Variants in IQCH observed in about 807,000 individuals in gnomAD.
The protein encoded by IQCH is IQ motif containing H, also known as IQ domain-containing protein H.
A neutral mutation model predicts 117.0 loss-of-function variants in IQCH; 98 were observed. That is an observed-to-expected ratio of 0.84 (90% CI 0.71 to 0.99). The LOEUF (loss-of-function observed/expected upper bound fraction) is 0.99. Among genes scored for constraint, IQCH ranks in the 50% least tolerant of loss-of-function variants. The pLI, the probability that IQCH is intolerant of heterozygous loss-of-function variation, is 0.00. For missense variants in IQCH, 1,102 were observed against 1,243.8 expected (o/e 0.89, Z 1.72); for synonymous variants, 412 against 448.2 (o/e 0.92, Z 1.02).
rs1971029835 is a variant in IQCH at position 67,384,096 on chromosome 15, C to G, written c.1373-840C>G. Among the ~76,000 whole-genome samples the G allele has an allele frequency of 6.6e-6, 1 of 152,076 alleles. No homozygotes were observed. Among genetic ancestry groups the G allele is most frequent in the African/African-American group, 2.4e-5 (1 of 41,416 alleles). On this transcript the variant is annotated intron_variant, in intron 10 of 20. Coordinates refer to ENST00000335894, the MANE Select transcript of IQCH (RefSeq NM_001031715.3). This position sits in a 1 kb window ranked among gnomAD's most constrained non-coding sequence, Gnocchi z 4.3. ...TAACCACAAGGAGGCATTGAAGCAT[C>G]TCTTCAAAATGTGAAAAGCAATTTT...
chr15:67,385,975 T>C lies in IQCH; in HGVS notation c.1456+956T>C, dbSNP rs1971095962. On this transcript the variant is annotated intron_variant, in intron 11 of 20. Coordinates refer to ENST00000335894, the MANE Select transcript of IQCH (RefSeq NM_001031715.3). This position sits in a 1 kb window ranked among gnomAD's most constrained non-coding sequence, Gnocchi z 4.6. ...CATCATTATTATTTTATAAATGCTA[T>C]TTGGTATCAAAAAATACATCAGTAC... Among the ~76,000 whole-genome samples, 1 of 152,176 alleles carries C rather than the reference T, an allele frequency of 6.6e-6. No individual in the cohort carries two copies. The highest frequency in any genetic ancestry group is 6.6e-5 in the Admixed American group (1 of 15,260).
In IQCH at chr15:67,364,532, A is replaced by T. The variant is rs1970263750; in HGVS notation, c.753+4647A>T. Among the ~76,000 whole-genome samples, 1 of 152,148 alleles carries T rather than the reference A, an allele frequency of 6.6e-6. No homozygotes were observed. The highest frequency in any genetic ancestry group is 2.4e-5 in the African/African-American group (1 of 41,432). ...TAACTGAACATTTTTATTACATGTG[A>T]TTAATAATTTTGCTTATATACAACA... On this transcript the variant is annotated intron_variant, in intron 8 of 20. Transcript: ENST00000335894. This position sits in a 1 kb window ranked among gnomAD's most constrained non-coding sequence, Gnocchi z 4.1.
chr15:67,268,155 A>G (rs181770886), intron 3 of IQCH, among the ~76,000 whole-genome samples: 15 of 152,290 alleles, frequency 9.8e-5, no homozygotes, highest in South Asian at 4.1e-4. Context: ...AATTGTCACA[A>G]AAGATAATTT....
chr15:67,434,944 T>A lies in IQCH; in HGVS notation c.2505+13367T>A, dbSNP rs191823383. On this transcript the variant is annotated intron_variant, in intron 16 of 20. Transcript: ENST00000335894. ...GCGCGTCACCACGCCTGTATTTTTG[T>A]ATTTTTTTTTAATTTTTTTGTATTT... Among the ~76,000 whole-genome samples the A allele has an allele frequency of 4.0e-3, 611 of 151,334 alleles. 3 individuals are homozygous for A. Among genetic ancestry groups the A allele is most frequent in the Non-Finnish European group, 7.0e-3 (472 of 67,882 alleles).
At chr15:67,498,279 C>A (rs1032562949) in intron 20 of IQCH, among the ~76,000 whole-genome samples, 5 of 152,000 alleles carry the variant, frequency 3.3e-5, no homozygotes, top group African/African-American at 1.2e-4. Flanking sequence ...ATGGCACATG[C>A]AAATATTAAG....
In IQCH at chr15:67,342,890, G is replaced by C. The variant is rs1969233023; in HGVS notation, c.509-1173G>C. Among the ~76,000 whole-genome samples, 1 of 152,020 alleles carries C rather than the reference G, an allele frequency of 6.6e-6. No individual in the cohort carries two copies. The highest frequency in any genetic ancestry group is 2.4e-5 in the African/African-American group (1 of 41,378). On this transcript the variant is annotated intron_variant, in intron 5 of 20. Coordinates refer to ENST00000335894, the MANE Select transcript of IQCH (RefSeq NM_001031715.3). The surrounding 1 kb of genome is among the most constrained non-coding windows in gnomAD (Gnocchi z 4.7). ...AGCCTTCAATAATGCAGATTCCCAG[G>C]CCCTGTCCTCAGAAGTTTGGACAGG...
rs1041230071 is a variant in IQCH, at chr15:67,395,391, G to A, written c.1733G>A (p.Gly578Glu). 3.1e-6 allele frequency: 5 copies of A among 1,613,960 alleles called. No homozygotes were observed. Among genetic ancestry groups the A allele is most frequent in the Non-Finnish European group, 4.2e-6 (5 of 1,179,956 alleles). The change falls in exon 13 of 21, where the codon GGG becomes GAG. Residue 578 changes from glycine to glutamate, a missense_variant. Around this residue, in one of 2 missense-constraint regions of IQCH, gnomAD observed 650 missense variants for 794.3 expected, o/e 0.82. Coordinates refer to ENST00000335894, the MANE Select transcript of IQCH (RefSeq NM_001031715.3). The surrounding 1 kb of genome is among the most constrained non-coding windows in gnomAD (Gnocchi z 4.0). ...IRGTEAYIVS[G>E]LLHRDDLAVA... is the part of the protein sequence containing the mutation. ...GGAACAGAGGCCTACATCGTCAGCG[G>A]GCTCCTCCACAGAGATGATTTAGCT...
At chr15:67,277,966 TGTG>T (rs2140470154) in intron 3 of IQCH, among the ~76,000 whole-genome samples, 1 of 152,262 alleles carries the variant, frequency 6.6e-6, no homozygotes, top group African/African-American at 2.4e-5. Context: ...GCTCTGTAAA[TGTG>T]GTGGTAAAGT....
Position 67,271,729 on chromosome 15 carries a change from T to C in IQCH, c.270-7666T>C, listed in dbSNP as rs112399396. 4.5e-3 allele frequency among the ~76,000 whole-genome samples: 693 copies of C among 152,326 alleles called. 7 individuals are homozygous for C. Among genetic ancestry groups the C allele is most frequent in the African/African-American group, 0.016 (672 of 41,578 alleles). ...TGGGATATAGTTGTTCATAATAGTCTGTGATAATTCTTTGTATTTCTGTGG... is the reference window on the plus strand; with the variant it reads ...TGGGATATAGTTGTTCATAATAGTCCGTGATAATTCTTTGTATTTCTGTGG... On this transcript the variant is annotated intron_variant, in intron 3 of 20. Transcript: ENST00000335894.
intron 16 of IQCH, among the ~76,000 whole-genome samples, chr15:67,449,902 G>T (rs1208260237): frequency 2.0e-5 from 3 of 152,054 alleles, no homozygotes; most frequent in Non-Finnish European, 4.4e-5. Context: ...TTATTTCATT[G>T]AACAGTGGTT....
rs1481192260 is a variant in IQCH at position 67,369,265 on chromosome 15, G to C, written c.754-2846G>C. 1.3e-5 allele frequency among the ~76,000 whole-genome samples: 2 copies of C among 152,180 alleles called. No individual in the cohort carries two copies. ...TTTCCCAGCTAATTAGTTAGAGCAA[G>C]ATGCTAATAATTAGGCCACAGGTTT... On this transcript the variant is annotated intron_variant, in intron 8 of 20. Coordinates refer to ENST00000335894, the MANE Select transcript of IQCH (RefSeq NM_001031715.3). This position sits in a 1 kb window ranked among gnomAD's most constrained non-coding sequence, Gnocchi z 5.2.
rs748402809 is a variant in IQCH, at chr15:67,388,880, G to C, written c.1506G>C (p.Glu502Asp). The C allele has an allele frequency of 2.5e-6, 4 of 1,613,762 alleles. No homozygotes were observed. Among genetic ancestry groups the C allele is most frequent in the Non-Finnish European group, 3.4e-6 (4 of 1,179,854 alleles). ...TCTGCTCCCATCATATGAATGACGAGTTAGTGCTGTATTACAAAAAAATCC... is the reference window on the plus strand; with the variant it reads ...TCTGCTCCCATCATATGAATGACGACTTAGTGCTGTATTACAAAAAAATCC... ...IYICSHHMND[E>D]LVLYYKKILS... Residue 502 changes from glutamate (E) to aspartate (D), a missense_variant, in exon 12 of 21, where the codon GAG becomes GAC. Transcript: ENST00000335894. This position sits in a 1 kb window ranked among gnomAD's most constrained non-coding sequence, Gnocchi z 5.5.
Position 67,416,174 on chromosome 15 carries a change from G to A in IQCH, c.2098-757G>A, listed in dbSNP as rs2081571158. 6.6e-6 allele frequency among the ~76,000 whole-genome samples: 1 copy of A among 152,180 alleles called. No homozygotes were observed. Among genetic ancestry groups the A allele is most frequent in the South Asian group, 2.1e-4 (1 of 4,832 alleles). Reference sequence around the variant, plus strand: ...AAGGCGGGTGGATCACCTGAGGTCAGGAGTTCGAGATCAGTATGACCAACA... The same window carrying A: ...AAGGCGGGTGGATCACCTGAGGTCAAGAGTTCGAGATCAGTATGACCAACA... On this transcript the variant is annotated intron_variant, in intron 14 of 20. Coordinates refer to ENST00000335894, the MANE Select transcript of IQCH (RefSeq NM_001031715.3). This position sits in a 1 kb window ranked among gnomAD's most constrained non-coding sequence, Gnocchi z 5.1.
rs760414813 is a variant in IQCH at position 67,372,134 on chromosome 15, G to A, written c.777G>A (p.Leu259=). The change falls in exon 9 of 21, where the codon TTG becomes TTA. Residue 259 remains leucine (L), a synonymous_variant. Transcript: ENST00000335894. ...AGGCCATGAAAGTCAAAACACCTTT[G>A]AGAGCCCTGAAATCACTGTGGGATT... is the stretch of plus-strand genomic sequence containing the variant. The part of the protein sequence containing the change: ...DRKAMKVKTP[L]RALKSLWDYD... 7 of 1,608,608 alleles carry A rather than the reference G, an allele frequency of 4.4e-6. No individual in the cohort carries two copies. Among genetic ancestry groups the A allele is most frequent in the Non-Finnish European group, 5.9e-6 (7 of 1,177,992 alleles).
Position 67,384,929 on chromosome 15 carries a change from C to G in IQCH, c.1373-7C>G, listed in dbSNP as rs1209280461. The G allele has an allele frequency of 3.1e-6, 5 of 1,596,474 alleles. No individual in the cohort carries two copies. The highest frequency in any genetic ancestry group is 4.3e-6 in the Non-Finnish European group (5 of 1,164,508). ...TTCTGTGTTTTGACACCTTGTTTGC[C>G]TTTTAGGGTATTCCCAGCCTGTGAG... On this transcript the variant is annotated splice_region_variant and splice_polypyrimidine_tract_variant and intron_variant, in intron 10 of 20. Coordinates refer to ENST00000335894, the MANE Select transcript of IQCH (RefSeq NM_001031715.3). The surrounding 1 kb of genome is among the most constrained non-coding windows in gnomAD (Gnocchi z 4.3).
At chr15:67,331,534 G>A (rs1241492506) in intron 4 of IQCH, among the ~76,000 whole-genome samples, 2 of 152,146 alleles carry the variant, frequency 1.3e-5, no homozygotes, top group Non-Finnish European at 2.9e-5. Context: ...TACAGTAAAT[G>A]CAGAAGAAAA....
chr15:67,394,105 C>T (rs977876653), intron 12 of IQCH, among the ~76,000 whole-genome samples: 1 of 152,096 alleles, frequency 6.6e-6, no homozygotes, highest in African/African-American at 2.4e-5. Context: ...TGCCATGCTG[C>T]CCTCTTCTCT....
chr15:67,421,629 C>T (rs775528182), intron 16 of IQCH, 52 bp downstream of exon 16: 55 of 1,552,236 alleles, frequency 3.5e-5, no homozygotes, highest in Non-Finnish European at 4.6e-5. Context: ...TGACTCCGCA[C>T]CCTACACACC....
Position 67,384,233 on chromosome 15 carries a change from T to C in IQCH, c.1373-703T>C, listed in dbSNP as rs1259151386. On this transcript the variant is annotated intron_variant, in intron 10 of 20. Coordinates refer to ENST00000335894, the MANE Select transcript of IQCH (RefSeq NM_001031715.3). This position sits in a 1 kb window ranked among gnomAD's most constrained non-coding sequence, Gnocchi z 4.3. ...TTATGTTTTGATTCACTTTTTTTAATGACCTGAAATATCAGCAGAAAGTAT... is the reference window on the plus strand; with the variant it reads ...TTATGTTTTGATTCACTTTTTTTAACGACCTGAAATATCAGCAGAAAGTAT... 2.6e-5 allele frequency among the ~76,000 whole-genome samples: 4 copies of C among 152,176 alleles called. No homozygotes were observed. The highest frequency in any genetic ancestry group is 6.6e-5 in the Admixed American group (1 of 15,260).
Sources: allele counts gnomAD v4.1 joint callset (sites outside exome capture counted in the v4.1 genomes callset), GRCh38; gene constraint gnomAD v4.1.1; regional missense constraint gnomAD v4.1.1; non-coding constraint Gnocchi (gnomAD v3.1); transcripts MANE v1.5; gene names NCBI Gene and HGNC (gene_info 2026-07-23, HGNC 2026-07-21).